Variants in GRIN2B observed in about 807,000 individuals in gnomAD.
GRIN2B encodes glutamate receptor ionotropic, NMDA 2B.
A neutral mutation model predicts 114.5 loss-of-function variants in GRIN2B; 5 were observed. The observed-to-expected ratio is 0.04, with a 90% CI of 0.02 to 0.09. The LOEUF is 0.09. Ranked by LOEUF, GRIN2B falls within the 10% of genes least tolerant of loss-of-function variation. The probability of loss-of-function intolerance (pLI) is 1.00; values close to 1 mark genes in which losing one functional copy is unlikely to be tolerated. For missense variants in GRIN2B, 1,108 were observed against 1,943.5 expected (o/e 0.57, Z 8.08); for synonymous variants, 787 against 745.1 (o/e 1.06, Z -0.92).
rs1048801595 is a variant in GRIN2B at position 13,538,082 on chromosome 12, T to A, written c.*24701A>T. The A allele has an allele frequency of 5.3e-5, 8 of 152,230 alleles. No individual in the cohort carries two copies. Among genetic ancestry groups the A allele is most frequent in the Non-Finnish European group, 8.8e-5 (6 of 68,034 alleles). The allele number at this position is 152,230 out of a possible 1,614,324, so 9.4% of individuals were successfully genotyped here. A position where few individuals can be genotyped will look rare whatever the true frequency, so the allele number is the denominator to read the frequency against. On this transcript the variant is annotated 3_prime_UTR_variant, in exon 14 of 14. Coordinates refer to ENST00000609686, the MANE Select transcript of GRIN2B (RefSeq NM_000834.5). ...TTGCATTTGTAAAAGAATAGGGGAA[T>A]AGAAATATTCAAATCAAGTGTTCAG...
At chr12:13,814,379 A>G (rs1323407043) in intron 3 of GRIN2B, among the ~76,000 whole-genome samples, 1 of 152,190 alleles carries the variant, frequency 6.6e-6, no homozygotes, top group Non-Finnish European at 1.5e-5. Context: ...TTAAAAAGCA[A>G]GGTTTTGTGT....
chr12:13,777,046 G>A (rs1864018545), intron 3 of GRIN2B, among the ~76,000 whole-genome samples: 1 of 152,074 alleles, frequency 6.6e-6, no homozygotes, highest in Non-Finnish European at 1.5e-5. Flanking sequence ...AGAGCCAAGG[G>A]AATCCCAAGC....
chr12:13,660,958 T>C (rs375476862), intron 5 of GRIN2B, among the ~76,000 whole-genome samples: 1 of 152,220 alleles, frequency 6.6e-6, no homozygotes, highest in East Asian at 1.9e-4. Context: ...AAGCTTTCTC[T>C]CTACACTTTT....
At chr12:13,618,451 A>C (rs1325426846) in intron 5 of GRIN2B, among the ~76,000 whole-genome samples, 1 of 152,044 alleles carries the variant, frequency 6.6e-6, no homozygotes, top group Non-Finnish European at 1.5e-5. Context: ...CTTAAATCCA[A>C]ATTTATTCTT....
At position 13,562,610 on chromosome 12, in the gene GRIN2B, G is replaced by A. The variant is rs1388444166; in HGVS notation, c.*173C>T. The A allele has an allele frequency of 6.3e-6, 4 of 639,432 alleles. No homozygotes were observed. Among genetic ancestry groups the A allele is most frequent in the African/African-American group, 5.5e-5 (3 of 54,670 alleles). The allele number at this position is 639,432 out of a possible 1,614,324, so 39.6% of individuals were successfully genotyped here. ...GTGAAAAGGAGGAGAGATGGTGCTG[G>A]TCACCAGGGTTGCCCCCAGTAGGAA... On this transcript the variant is annotated 3_prime_UTR_variant, in exon 14 of 14. Coordinates refer to ENST00000609686, the MANE Select transcript of GRIN2B (RefSeq NM_000834.5).
intron 3 of GRIN2B, among the ~76,000 whole-genome samples, chr12:13,832,515 C>A (rs903314267): frequency 6.6e-6 from 1 of 152,202 alleles, no homozygotes; most frequent in African/African-American, 2.4e-5. Flanking sequence ...CCACCCTATT[C>A]TCAGTGTCTA....
intron 3 of GRIN2B, among the ~76,000 whole-genome samples, chr12:13,770,412 T>G (rs1397767143): frequency 6.6e-6 from 1 of 152,172 alleles, no homozygotes; most frequent in Non-Finnish European, 1.5e-5. Context: ...TTACCCTATA[T>G]CAGAATAAGA....
chr12:13,573,637 A>G (rs1948735685), intron 10 of GRIN2B, among the ~76,000 whole-genome samples: 1 of 152,216 alleles, frequency 6.6e-6, no homozygotes, highest in Non-Finnish European at 1.5e-5. Flanking sequence ...ACGACAATGA[A>G]GATATTTGAA....
At chr12:13,922,146 T>C (rs968515924) in intron 2 of GRIN2B, among the ~76,000 whole-genome samples, 1 of 152,202 alleles carries the variant, frequency 6.6e-6, no homozygotes, top group African/African-American at 2.4e-5. Context: ...CAATTTTTAC[T>C]GGATTTGAGT....
intron 4 of GRIN2B, among the ~76,000 whole-genome samples, chr12:13,712,956 C>T (rs912382480): frequency 5.9e-5 from 9 of 151,582 alleles, no homozygotes; most frequent in Admixed American, 3.3e-4. Context: ...TAAATATTAC[C>T]GAGCATAACT....
At chr12:13,963,267 A>G (rs1867730293) in intron 2 of GRIN2B, among the ~76,000 whole-genome samples, 1 of 151,998 alleles carries the variant, frequency 6.6e-6, no homozygotes, top group African/African-American at 2.4e-5. Context: ...TTATTCTGTA[A>G]CACTCCCAAT....
intron 5 of GRIN2B, among the ~76,000 whole-genome samples, chr12:13,627,539 A>G (rs528282245): frequency 1.3e-5 from 2 of 152,344 alleles, no homozygotes; most frequent in East Asian, 3.9e-4. Flanking sequence ...TTCTGTCAAC[A>G]TCTCAGAAGC....
intron 3 of GRIN2B, among the ~76,000 whole-genome samples, chr12:13,842,705 A>G (rs1293198880): frequency 6.6e-6 from 1 of 152,168 alleles, no homozygotes; most frequent in Non-Finnish European, 1.5e-5. Flanking sequence ...ATAAAAATAA[A>G]CCTGAAAAGT....
At chr12:13,979,548 AT>A (rs1397025028) in intron 2 of GRIN2B, among the ~76,000 whole-genome samples, 1 of 148,720 alleles carries the variant, frequency 6.7e-6, no homozygotes, top group Non-Finnish European at 1.5e-5. Flanking sequence ...AAAAAAAAGG[AT>A]TTCTAGATTC....
At chr12:13,677,528 A>G (rs1034382652) in intron 4 of GRIN2B, among the ~76,000 whole-genome samples, 16 of 152,170 alleles carry the variant, frequency 1.1e-4, no homozygotes, top group Non-Finnish European at 2.1e-4. Flanking sequence ...ATCCCAAAGG[A>G]GTAGCGATTC....
intron 3 of GRIN2B, among the ~76,000 whole-genome samples, chr12:13,791,418 C>T (rs1158968320): frequency 6.7e-6 from 1 of 150,374 alleles, no homozygotes; most frequent in African/African-American, 2.5e-5. Context: ...CGCCACTGCA[C>T]TCCAGCCTGG....
chr12:13,624,662 G>A (rs187715806), intron 5 of GRIN2B, among the ~76,000 whole-genome samples: 182 of 152,278 alleles, frequency 1.2e-3, no homozygotes, highest in Admixed American at 1.9e-3. Flanking sequence ...GCTGGGGACC[G>A]GTGTCTCTGG....
At chr12:13,935,939 C>A (rs1412814656) in intron 2 of GRIN2B, among the ~76,000 whole-genome samples, 1 of 152,128 alleles carries the variant, frequency 6.6e-6, no homozygotes, top group Non-Finnish European at 1.5e-5. Flanking sequence ...ATCATCCTGG[C>A]TTTTTGGCCT....
At chr12:13,731,567 C>G (rs1469112983) in intron 4 of GRIN2B, among the ~76,000 whole-genome samples, 1 of 152,172 alleles carries the variant, frequency 6.6e-6, no homozygotes, top group Non-Finnish European at 1.5e-5. Flanking sequence ...CACCACTGCA[C>G]TCCAGCCTTG....
Sources: gnomAD v4.1 joint callset for allele counts (sites outside exome capture counted in the v4.1 genomes callset) on GRCh38, gnomAD v4.1.1 for gene constraint, MANE v1.5 for transcripts, NCBI Gene and HGNC (gene_info 2026-07-23, HGNC 2026-07-21) for gene names.